The following ADAMTSL1 variants were observed in gnomAD, a reference collection of about 807,000 sequenced individuals.
ADAMTSL1 encodes the protein ADAMTS like 1.
Under a neutral mutation model 201.8 loss-of-function variants are expected in ADAMTSL1, and 126 were observed. The observed-to-expected ratio is 0.62, with a 90% CI of 0.54 to 0.72. The LOEUF (loss-of-function observed/expected upper bound fraction) is 0.72, where lower values mean the gene tolerates loss of function less well. Ranked by LOEUF, ADAMTSL1 falls within the 30% of genes least tolerant of loss-of-function variation. ADAMTSL1 has a pLI of 0.00. For synonymous variants in ADAMTSL1, 1,121 were observed against 903.4 expected, an observed-to-expected ratio of 1.24 and a Z score of -4.32; for missense variants, 2,679 against 2,277.8, an observed-to-expected ratio of 1.18 and a Z score of -3.59.
intron 23 of ADAMTSL1, among the ~76,000 whole-genome samples, chr9:18,864,672 A>T (rs926519022): frequency 6.6e-6 from 1 of 152,194 alleles, no homozygotes; most frequent in Admixed American, 6.5e-5. Context: ...TCATCTGTCC[A>T]ACTCAGGCTG....
chr9:18,158,657 C>G (rs1827257518), intron 1 of ADAMTSL1, among the ~76,000 whole-genome samples: 1 of 152,082 alleles, frequency 6.6e-6, no homozygotes, highest in African/African-American at 2.4e-5. Flanking sequence ...TTGAATATAT[C>G]TATTTTCATT....
chr9:18,107,891 G>A, intron 1 of ADAMTSL1, among the ~76,000 whole-genome samples: 1 of 152,240 alleles, frequency 6.6e-6, no homozygotes, highest in Non-Finnish European at 1.5e-5. Context: ...TTGTTCTTCA[G>A]AGCCACCGTG....
chr9:18,029,732 GT>G (rs1182239875), intron 1 of ADAMTSL1, among the ~76,000 whole-genome samples: 4 of 152,150 alleles, frequency 2.6e-5, no homozygotes, highest in Admixed American at 6.6e-5. Flanking sequence ...CAAAAAGTGG[GT>G]GAAGGATATG....
intron 23 of ADAMTSL1, among the ~76,000 whole-genome samples, chr9:18,842,512 C>G (rs1357890191): frequency 3.3e-5 from 5 of 152,204 alleles, no homozygotes; most frequent in Admixed American, 3.3e-4. Context: ...AATGTATACT[C>G]TGTTGATTTG....
intron 16 of ADAMTSL1, among the ~76,000 whole-genome samples, chr9:18,763,606 CT>C (rs1438342094): frequency 6.6e-6 from 1 of 151,934 alleles, no homozygotes; most frequent in Non-Finnish European, 1.5e-5. Context: ...TTGTAGTAGC[CT>C]CTTTGTTTGA....
At chr9:18,166,840 T>C (rs1407391870) in intron 2 of ADAMTSL1, among the ~76,000 whole-genome samples, 1 of 151,958 alleles carries the variant, frequency 6.6e-6, no homozygotes, top group Admixed American at 6.6e-5. Context: ...ACCTAAAAAA[T>C]TAATTTATTT....
intron 1 of ADAMTSL1, among the ~76,000 whole-genome samples, chr9:17,934,001 T>A (rs1826904080): frequency 6.6e-6 from 1 of 152,162 alleles, no homozygotes; most frequent in Non-Finnish European, 1.5e-5. Flanking sequence ...GTTTCTTTTG[T>A]CTTTACGGTA....
At chr9:17,983,491 A>G (rs1325044687) in intron 1 of ADAMTSL1, among the ~76,000 whole-genome samples, 2 of 152,206 alleles carry the variant, frequency 1.3e-5, no homozygotes, top group Admixed American at 1.3e-4. Context: ...ATAAAAAAAT[A>G]AGTTACATGT....
intron 9 of ADAMTSL1, among the ~76,000 whole-genome samples, chr9:18,667,045 G>T (rs565165488): frequency 6.7e-6 from 1 of 148,870 alleles, no homozygotes; most frequent in South Asian, 2.1e-4. Flanking sequence ...AGTGAAAAAA[G>T]ATCTCACTCA....
intron 2 of ADAMTSL1, among the ~76,000 whole-genome samples, chr9:18,334,767 C>G (rs1053023630): frequency 6.6e-6 from 1 of 152,110 alleles, no homozygotes; most frequent in African/African-American, 2.4e-5. Flanking sequence ...ATAAAGACTT[C>G]TCTCTTCTTT....
At chr9:18,267,769 A>ACAAAAAC (rs1554647393) in intron 2 of ADAMTSL1, among the ~76,000 whole-genome samples, 1 of 149,338 alleles carries the variant, frequency 6.7e-6, no homozygotes, top group African/African-American at 2.5e-5. Context: ...TATTAAAAAA[A>ACAAAAAC]AAAAACAAAA....
At chr9:18,453,113 G>C (rs915381327) in intron 2 of ADAMTSL1, among the ~76,000 whole-genome samples, 1 of 152,180 alleles carries the variant, frequency 6.6e-6, no homozygotes, top group Non-Finnish European at 1.5e-5. Context: ...CTGTGCACCT[G>C]CAGAATTAAC....
At chr9:18,793,881 C>T (rs1364961339) in intron 19 of ADAMTSL1, among the ~76,000 whole-genome samples, 3 of 152,176 alleles carry the variant, frequency 2.0e-5, no homozygotes, top group East Asian at 1.9e-4. Flanking sequence ...TTCAAGTGAT[C>T]GTTAGTCATT....
At position 17,915,869 on chromosome 9, in the gene ADAMTSL1, C is replaced by T. The variant is rs181683716; in HGVS notation, c.87+8947C>T. On this transcript the variant is annotated intron_variant, in intron 1 of 29. Transcript: ENST00000680146. Reference sequence around the variant, plus strand: ...GTAAAATTTCTATTCAAATATTTAGCCCATTATAGGATTGTTAGTTTTCTT... The same window carrying T: ...GTAAAATTTCTATTCAAATATTTAGTCCATTATAGGATTGTTAGTTTTCTT... Among the ~76,000 whole-genome samples the T allele has an allele frequency of 2.9e-3, 444 of 152,206 alleles. 2 individuals carry two copies. Among genetic ancestry groups the T allele is most frequent in the African/African-American group, 9.7e-3 (401 of 41,532 alleles).
intron 2 of ADAMTSL1, among the ~76,000 whole-genome samples, chr9:18,507,794 T>C (rs539385422): frequency 2.6e-5 from 4 of 152,212 alleles, no homozygotes; most frequent in Non-Finnish European, 5.9e-5. Flanking sequence ...ACAGCTTCTG[T>C]TGCAGAGAAC....
chr9:17,987,031 C>T (rs1818955821), intron 1 of ADAMTSL1, among the ~76,000 whole-genome samples: 1 of 151,994 alleles, frequency 6.6e-6, no homozygotes, highest in African/African-American at 2.4e-5. Flanking sequence ...GGAAGAGTTC[C>T]CACTAATCCC....
At chr9:18,125,762 T>C (rs1825705729) in intron 1 of ADAMTSL1, among the ~76,000 whole-genome samples, 1 of 152,196 alleles carries the variant, frequency 6.6e-6, no homozygotes, top group East Asian at 1.9e-4. Flanking sequence ...CTATATTGCA[T>C]CTTTTTTCCA....
At chr9:18,558,544 C>G (rs1047262507) in intron 3 of ADAMTSL1, among the ~76,000 whole-genome samples, 1 of 152,118 alleles carries the variant, frequency 6.6e-6, no homozygotes, top group African/African-American at 2.4e-5. Flanking sequence ...ATTGCTGGGT[C>G]AGATGGTATT....
intron 9 of ADAMTSL1, among the ~76,000 whole-genome samples, chr9:18,668,950 G>A (rs973917438): frequency 2.0e-5 from 3 of 152,228 alleles, no homozygotes; most frequent in Non-Finnish European, 4.4e-5. Context: ...ATTGGGATGT[G>A]GATCTAAGTT....
Sources: gnomAD v4.1 joint callset for allele counts (sites outside exome capture counted in the v4.1 genomes callset) on GRCh38, gnomAD v4.1.1 for gene constraint, MANE v1.5 for transcripts, NCBI Gene and HGNC (gene_info 2026-07-23, HGNC 2026-07-21) for gene names.